Variants in ZFP91 observed in about 807,000 individuals in gnomAD.
The protein encoded by ZFP91 is E3 ubiquitin-protein ligase ZFP91.
In ZFP91, 7 loss-of-function variants were observed where a neutral mutation model predicts 63.5. That is an observed-to-expected ratio of 0.11 (90% confidence interval 0.06 to 0.21). ZFP91 has a LOEUF of 0.21. Among genes scored for constraint, ZFP91 ranks in the 10% least tolerant of loss-of-function variants. ZFP91 has a pLI of 1.00. For synonymous variants in ZFP91, 330 were observed against 272.1 expected (o/e 1.21, Z -2.10); for missense variants, 628 against 736.6 (o/e 0.85, Z 1.71).
intron 2 of ZFP91, among the ~76,000 whole-genome samples, chr11:58,603,810 T>A (rs7102510): frequency 6.6e-6 from 1 of 152,052 alleles, no homozygotes; most frequent in Middle Eastern, 3.2e-3. Flanking sequence ...TTTTCCCCCC[T>A]TCTATTTTCT....
intron 2 of ZFP91, among the ~76,000 whole-genome samples, chr11:58,606,240 T>C (rs1240374396): frequency 6.6e-6 from 1 of 152,192 alleles, no homozygotes; most frequent in Non-Finnish European, 1.5e-5. Context: ...CTAATTTTTG[T>C]ATTTTTAGTA....
Position 58,616,565 on chromosome 11 carries a change from T to C in ZFP91, c.1103-151T>C, listed in dbSNP as rs1008259714. 5 of 444,822 alleles carry C rather than the reference T, an allele frequency of 1.1e-5. 1 individual carries two copies. In the Middle Eastern group the frequency reaches 2.0e-3, roughly 180 times the overall value. 27.6% of individuals were successfully genotyped at this position (444,822 alleles called of 1,614,324 possible). ...TTTTTTTTAAAGCAATACTTTTCTTTTTTAAATTTTGTTTACCCAAAGTGT... is the reference window on the plus strand; with the variant it reads ...TTTTTTTTAAAGCAATACTTTTCTTCTTTAAATTTTGTTTACCCAAAGTGT... On this transcript the variant is annotated intron_variant, in intron 9 of 10. Coordinates refer to ENST00000316059, the MANE Select transcript of ZFP91 (RefSeq NM_053023.5).
intron 8 of ZFP91, 105 bp downstream of exon 8, chr11:58,612,945 TG>T: frequency 1.8e-5 from 17 of 963,370 alleles, no homozygotes; most frequent in Non-Finnish European, 2.7e-5. Flanking sequence ...ATCATTGACA[TG>T]TAATGTCAAG....
At chr11:58,602,106 A>G (rs1325296029) in intron 2 of ZFP91, among the ~76,000 whole-genome samples, 1 of 152,096 alleles carries the variant, frequency 6.6e-6, no homozygotes, top group Non-Finnish European at 1.5e-5. Flanking sequence ...TATTCTTAGT[A>G]GAGACAGGGT....
intron 2 of ZFP91, among the ~76,000 whole-genome samples, chr11:58,594,086 A>C (rs1855354909): frequency 6.6e-6 from 1 of 152,212 alleles, no homozygotes; most frequent in Non-Finnish European, 1.5e-5. Context: ...GAACATTAAA[A>C]ATGCAAATCT....
rs1346144181 is a variant in ZFP91, at chr11:58,588,270, G to A, written c.370+3386G>A. ...TTACTGTGAGTCTCTAACTTGTGTA[G>A]TCAGGAAAAAAGAAGTCAGTCATCA... On this transcript the variant is annotated intron_variant, in intron 2 of 10. Transcript: ENST00000316059. Among the ~76,000 whole-genome samples the A allele has an allele frequency of 2.0e-5, 3 of 152,096 alleles. No homozygotes were observed. The East Asian group carries it at 5.8e-4, about 29-fold the overall frequency.
In ZFP91 at chr11:58,584,302, GT is replaced by G. The variant is rs1327861961; in HGVS notation, c.342-552del. 2.6e-5 allele frequency among the ~76,000 whole-genome samples: 4 copies of G among 151,994 alleles called. No individual in the cohort carries two copies. In the East Asian group the frequency reaches 7.7e-4, roughly 29 times the overall value. On this transcript the variant is annotated intron_variant, in intron 1 of 10. Coordinates refer to ENST00000316059, the MANE Select transcript of ZFP91 (RefSeq NM_053023.5). ...TCATTGAGTTTTTATTATGAAAATT[GT>G]TAAATATACACAAAATAGGGAAAAT...
chr11:58,611,422 A>G (rs1855660542), intron 5 of ZFP91, 182 bp from the exon 6 acceptor site: 1 of 761,744 alleles, frequency 1.3e-6, no homozygotes, highest in East Asian at 2.7e-5. Flanking sequence ...TTCCATGAGC[A>G]ACATATACAT....
chr11:58,582,440 T>A (rs1855134444), intron 1 of ZFP91, among the ~76,000 whole-genome samples: 1 of 152,252 alleles, frequency 6.6e-6, no homozygotes, highest in Non-Finnish European at 1.5e-5. Flanking sequence ...TAGTCCTTTT[T>A]CCATATCCCA....
At chr11:58,593,057 T>C (rs1435143276) in intron 2 of ZFP91, among the ~76,000 whole-genome samples, 1 of 152,228 alleles carries the variant, frequency 6.6e-6, no homozygotes, top group Non-Finnish European at 1.5e-5. Flanking sequence ...AAGCCATTCA[T>C]GAGGGATCCA....
intron 2 of ZFP91, among the ~76,000 whole-genome samples, chr11:58,592,233 A>G (rs1341235866): frequency 1.3e-5 from 2 of 151,446 alleles, no homozygotes; most frequent in African/African-American, 2.4e-5. Flanking sequence ...GAGGTGGTGT[A>G]CCACCACATC....
At chr11:58,583,252 T>G (rs1186286457) in intron 1 of ZFP91, among the ~76,000 whole-genome samples, 1 of 152,106 alleles carries the variant, frequency 6.6e-6, no homozygotes, top group East Asian at 1.9e-4. Flanking sequence ...AACTTAAAAC[T>G]TTAGGGACAA....
At chr11:58,607,702 T>G (rs1003638798) in intron 2 of ZFP91, among the ~76,000 whole-genome samples, 2 of 152,168 alleles carry the variant, frequency 1.3e-5, no homozygotes, top group Non-Finnish European at 2.9e-5. Context: ...TAGTAAACTA[T>G]TTTTTAATGT....
intron 1 of ZFP91, among the ~76,000 whole-genome samples, chr11:58,580,133 TCTC>T (rs1202340165): frequency 6.6e-6 from 1 of 150,616 alleles, no homozygotes; most frequent in African/African-American, 2.4e-5. Flanking sequence ...TCGCAACCCT[TCTC>T]ATTCTTTTGA....
chr11:58,615,221 T>C (rs1855730583), intron 9 of ZFP91, among the ~76,000 whole-genome samples: 1 of 152,196 alleles, frequency 6.6e-6, no homozygotes, highest in Non-Finnish European at 1.5e-5. Context: ...AATACCAGGA[T>C]TGAACTTGAA....
intron 2 of ZFP91, among the ~76,000 whole-genome samples, chr11:58,591,682 G>C (rs867465828): frequency 6.6e-5 from 10 of 152,144 alleles, no homozygotes; most frequent in South Asian, 4.2e-4. Context: ...TGTGTAAATG[G>C]ACTCAGACAT....
Position 58,612,347 on chromosome 11 carries a change from T to A in ZFP91, c.908+19T>A. ...AAAGGAGGTGAGGAATTTTTACCCC[T>A]ACTGTTTTACACCTTATTCCAGTAC... On this transcript the variant is annotated intron_variant, in intron 7 of 10. Transcript: ENST00000316059. The A allele has an allele frequency of 6.2e-7, 1 of 1,612,496 alleles. No homozygotes were observed. The highest frequency in any genetic ancestry group is 1.1e-5 in the South Asian group (1 of 91,012).
intron 2 of ZFP91, among the ~76,000 whole-genome samples, chr11:58,605,114 A>G (rs533961451): frequency 6.6e-6 from 1 of 152,126 alleles, no homozygotes; most frequent in African/African-American, 2.4e-5. Context: ...CTTAGGGGTT[A>G]CCTGGGGATT....
rs766063952 is a variant in ZFP91 at position 58,579,481 on chromosome 11, C to G, written c.200C>G (p.Ala67Gly). ...GRAAAAAAAA[A>G]VSRRRKAEYP... ...GCCGCTGCGGCCGCCGCCGCCGCAG[C>G]TGTGTCCCGCCGGAGGAAGGCCGAG... Residue 67 changes from alanine (A) to glycine (G), a missense_variant, in exon 1 of 11, where the codon GCT becomes GGT. Ala to Gly is a moderately conservative substitution (Grantham distance 60). Coordinates refer to ENST00000316059, the MANE Select transcript of ZFP91 (RefSeq NM_053023.5). 129 of 1,507,492 alleles carry G rather than the reference C, an allele frequency of 8.6e-5. No homozygotes were observed. Among genetic ancestry groups the G allele is most frequent in the Admixed American group, 1.7e-4 (8 of 46,136 alleles). The allele number at this position is 1,507,492 out of a possible 1,614,324, so 93.4% of individuals were successfully genotyped here. A position where few individuals can be genotyped will look rare whatever the true frequency, so the allele number is the denominator to read the frequency against.
Sources: gnomAD v4.1 joint callset for allele counts (sites outside exome capture counted in the v4.1 genomes callset) on GRCh38, gnomAD v4.1.1 for gene constraint, MANE v1.5 for transcripts, NCBI Gene and HGNC (gene_info 2026-07-23, HGNC 2026-07-21) for gene names.